The following PRKG1 variants were observed in gnomAD, a reference collection of about 807,000 sequenced individuals.
PRKG1 encodes cGMP-dependent protein kinase 1.
A neutral mutation model predicts 88.1 loss-of-function variants in PRKG1; 35 were observed. The observed-to-expected ratio is 0.40, with a 90% CI of 0.30 to 0.53. The LOEUF (loss-of-function observed/expected upper bound fraction) is 0.53, where lower values mean the gene tolerates loss of function less well. Ranked by LOEUF, PRKG1 falls within the 20% of genes least tolerant of loss-of-function variation. PRKG1 has a pLI of 0.59. For synonymous variants in PRKG1, 303 were observed against 292.5 expected, an observed-to-expected ratio of 1.04 and a Z score of -0.37; for missense variants, 540 against 839.8, an observed-to-expected ratio of 0.64 and a Z score of 4.41.
chr10:51,940,787 CA>C (rs1842890810), intron 5 of PRKG1, among the ~76,000 whole-genome samples: 1 of 151,786 alleles, frequency 6.6e-6, no homozygotes, highest in African/African-American at 2.4e-5. Flanking sequence ...TTTCTTTCAC[CA>C]AAGCACCAAG....
intron 1 of PRKG1, among the ~76,000 whole-genome samples, chr10:51,007,215 G>A (rs1656746108): frequency 6.6e-6 from 1 of 151,948 alleles, no homozygotes; most frequent in Admixed American, 6.6e-5. Flanking sequence ...AAAGTGCTGG[G>A]ATTACAGGCA....
intron 3 of PRKG1, among the ~76,000 whole-genome samples, chr10:51,732,995 C>T (rs775011313): frequency 1.1e-4 from 16 of 151,800 alleles, no homozygotes; most frequent in Admixed American, 3.9e-4. Context: ...AGACAGCCAC[C>T]CTTTGGCTGT....
chr10:52,202,960 G>T (rs1036535102), intron 9 of PRKG1, among the ~76,000 whole-genome samples: 4 of 151,802 alleles, frequency 2.6e-5, no homozygotes, highest in Non-Finnish European at 5.9e-5. Flanking sequence ...TTCTTTCAAA[G>T]AACTAACTTC....
intron 1 of PRKG1, among the ~76,000 whole-genome samples, chr10:51,113,779 A>C (rs941434843): frequency 6.6e-6 from 1 of 151,612 alleles, no homozygotes; most frequent in Admixed American, 6.6e-5. Flanking sequence ...GAAAGCCTCA[A>C]TAAAAAAATG....
rs114341927 is a variant in PRKG1 at position 51,760,786 on chromosome 10, A to G, written c.593-43799A>G. Among the ~76,000 whole-genome samples, 1,073 of 152,210 alleles carry G rather than the reference A, an allele frequency of 7.0e-3. 15 individuals are homozygous for G. The highest frequency in any genetic ancestry group is 0.024 in the African/African-American group (1,011 of 41,558). ...CTTGCCTGGCCAGAACTTTTCAAAA[A>G]GATGATTTTAGAGGTAAAGTCAGAG... On this transcript the variant is annotated intron_variant, in intron 3 of 17. Coordinates refer to ENST00000373980, the MANE Select transcript of PRKG1 (RefSeq NM_006258.4).
At chr10:51,063,690 A>G (rs1843717720) in intron 1 of PRKG1, among the ~76,000 whole-genome samples, 1 of 152,164 alleles carries the variant, frequency 6.6e-6, no homozygotes, top group African/African-American at 2.4e-5. Flanking sequence ...GCAAGCTTCC[A>G]TTTGCATCAC....
Position 52,251,362 on chromosome 10 carries a change from G to A in PRKG1, c.1077-208G>A, listed in dbSNP as rs115808289. 7.1e-3 allele frequency among the ~76,000 whole-genome samples: 1,075 copies of A among 152,146 alleles called. 12 individuals carry two copies. The highest frequency in any genetic ancestry group is 0.024 in the African/African-American group (1,016 of 41,524). On this transcript the variant is annotated intron_variant, in intron 9 of 17. Coordinates refer to ENST00000373980, the MANE Select transcript of PRKG1 (RefSeq NM_006258.4). Reference sequence around the variant, plus strand: ...AGTGGGTACTTTGCATTTTTCTACCGTACTTTGAAACACAAGTGCAAATTT... The same window carrying A: ...AGTGGGTACTTTGCATTTTTCTACCATACTTTGAAACACAAGTGCAAATTT...
At chr10:51,040,309 CTCT>C (rs1843404119) in intron 1 of PRKG1, among the ~76,000 whole-genome samples, 2 of 65,708 alleles carry the variant, frequency 3.0e-5, no homozygotes, top group African/African-American at 9.5e-5. Flanking sequence ...TTTTCTTTTT[CTCT>C]TTTTTTTTTT....
intron 2 of PRKG1, among the ~76,000 whole-genome samples, chr10:51,310,903 T>C (rs1361785786): frequency 6.6e-6 from 1 of 152,224 alleles, no homozygotes; most frequent in East Asian, 1.9e-4. Flanking sequence ...CAAACTGCTA[T>C]GCTAGTAGGG....
intron 9 of PRKG1, among the ~76,000 whole-genome samples, chr10:52,203,612 G>A (rs1003471381): frequency 6.6e-6 from 1 of 152,198 alleles, no homozygotes; most frequent in Admixed American, 6.5e-5. Flanking sequence ...AACAAGTGGT[G>A]TGTAGAAGTC....
intron 2 of PRKG1, among the ~76,000 whole-genome samples, chr10:51,443,040 G>A (rs1839167769): frequency 1.3e-5 from 2 of 149,254 alleles, no homozygotes; most frequent in African/African-American, 5.1e-5. Flanking sequence ...GCAGATTTAA[G>A]GATGTTGAGA....
chr10:51,895,175 G>C (rs1841813392), intron 4 of PRKG1, among the ~76,000 whole-genome samples: 2 of 152,172 alleles, frequency 1.3e-5, no homozygotes, highest in Admixed American at 6.5e-5. Flanking sequence ...ATGAGAAAAG[G>C]CATAAAGCTT....
intron 9 of PRKG1, among the ~76,000 whole-genome samples, chr10:52,229,547 A>G (rs2132348802): frequency 6.6e-6 from 1 of 152,242 alleles, no homozygotes; most frequent in Middle Eastern, 3.4e-3. Flanking sequence ...GGCAACTCTG[A>G]TTTTGGCAAC....
chr10:51,164,489 G>C (rs544054604), intron 2 of PRKG1, among the ~76,000 whole-genome samples: 1 of 152,132 alleles, frequency 6.6e-6, no homozygotes, highest in Non-Finnish European at 1.5e-5. Context: ...AAAGCAGAGC[G>C]CCTCTCCTCC....
chr10:51,054,720 T>C (rs916747576), intron 1 of PRKG1, among the ~76,000 whole-genome samples: 2 of 152,150 alleles, frequency 1.3e-5, no homozygotes, highest in African/African-American at 2.4e-5. Flanking sequence ...CATGATACCA[T>C]AGTTATAAAT....
intron 9 of PRKG1, among the ~76,000 whole-genome samples, chr10:52,166,819 GTATATATA>G (rs370403466): frequency 5.2e-4 from 29 of 55,314 alleles, no homozygotes; most frequent in Admixed American, 2.7e-3. Context: ...GTATATATAT[GTATATATA>G]TGTATATATA....
At chr10:51,034,672 A>ATATATT (rs1843330889) in intron 1 of PRKG1, among the ~76,000 whole-genome samples, 1 of 99,170 alleles carries the variant, frequency 1.0e-5, no homozygotes, top group African/African-American at 4.9e-5. Context: ...TGTTATTTAT[A>ATATATT]TATATATATA....
intron 1 of PRKG1, among the ~76,000 whole-genome samples, chr10:51,143,758 T>G (rs1845877602): frequency 6.6e-6 from 1 of 152,066 alleles, no homozygotes; most frequent in Non-Finnish European, 1.5e-5. Flanking sequence ...TTGGCCATGT[T>G]TATTTTATTT....
chr10:51,221,584 T>C (rs924062346), intron 2 of PRKG1, among the ~76,000 whole-genome samples: 7 of 148,944 alleles, frequency 4.7e-5, no homozygotes, highest in Admixed American at 1.3e-4. Flanking sequence ...GCCACCATGA[T>C]AATTTCAGCA....
Sources: allele counts gnomAD v4.1 joint callset (sites outside exome capture counted in the v4.1 genomes callset), GRCh38; gene constraint gnomAD v4.1.1; transcripts MANE v1.5; gene names NCBI Gene and HGNC (gene_info 2026-07-23, HGNC 2026-07-21).